The following MAGI1 variants were observed in gnomAD, a reference collection of about 807,000 sequenced individuals.
MAGI1 encodes the protein membrane-associated guanylate kinase, WW and PDZ domain-containing protein 1.
In MAGI1, 58 loss-of-function variants were observed where a neutral mutation model predicts 139.9. That is an observed-to-expected ratio of 0.41 (90% CI 0.34 to 0.52). The LOEUF is 0.52. Among genes scored for constraint, MAGI1 ranks in the 20% least tolerant of loss-of-function variants. The pLI, the probability that MAGI1 is intolerant of heterozygous loss-of-function variation, is 0.12. For synonymous variants in MAGI1, 812 were observed against 737.9 expected, an observed-to-expected ratio of 1.10 and a Z score of -1.63; for missense variants, 1,874 against 1,901.6, an observed-to-expected ratio of 0.99 and a Z score of 0.27.
chr3:65,952,371 T>C (rs1461323995), intron 1 of MAGI1, among the ~76,000 whole-genome samples: 1 of 152,192 alleles, frequency 6.6e-6, no homozygotes, highest in Non-Finnish European at 1.5e-5. Flanking sequence ...TTGCACTTGT[T>C]TTTTTCCGAT....
At chr3:66,026,987 C>T (rs1377525612) in intron 1 of MAGI1, among the ~76,000 whole-genome samples, 3 of 151,406 alleles carry the variant, frequency 2.0e-5, no homozygotes, top group Non-Finnish European at 2.9e-5. Flanking sequence ...AAGAGAGGAC[C>T]GGCTGGGCGC....
chr3:65,420,551 A>C (rs1290650206), intron 12 of MAGI1, among the ~76,000 whole-genome samples: 1 of 152,186 alleles, frequency 6.6e-6, no homozygotes, highest in Non-Finnish European at 1.5e-5. Flanking sequence ...TTTCATTTGC[A>C]GATGACGCTG....
intron 1 of MAGI1, chr3:65,873,667 G>C (rs1445367480): frequency 6.6e-6 from 1 of 152,160 alleles, no homozygotes; most frequent in African/African-American, 2.4e-5. Flanking sequence ...CAGTAACAGT[G>C]TGTCAAGACC....
intron 1 of MAGI1, among the ~76,000 whole-genome samples, chr3:65,952,558 T>A (rs773259876): frequency 1.2e-4 from 18 of 152,196 alleles, no homozygotes; most frequent in Non-Finnish European, 2.1e-4. Flanking sequence ...CTCGCGCCTG[T>A]AATCCCAACA....
At chr3:65,845,416 A>G (rs2058957806) in intron 1 of MAGI1, among the ~76,000 whole-genome samples, 1 of 152,126 alleles carries the variant, frequency 6.6e-6, no homozygotes, top group Non-Finnish European at 1.5e-5. Flanking sequence ...AAGTTTCACC[A>G]TCTTTATCCA....
intron 1 of MAGI1, among the ~76,000 whole-genome samples, chr3:65,972,452 A>C (rs1353333871): frequency 1.8e-5 from 1 of 54,442 alleles, no homozygotes; most frequent in Non-Finnish European, 4.3e-5. Context: ...CTTTATTAAA[A>C]TTATAATAAA....
chr3:65,599,857 G>A (rs954648252), intron 2 of MAGI1, among the ~76,000 whole-genome samples: 6 of 151,626 alleles, frequency 4.0e-5, no homozygotes, highest in African/African-American at 1.5e-4. Context: ...AAGATGTCTC[G>A]GAAGAAACAC....
At chr3:65,548,509 C>CTTTTTTTTTTTT (rs1306099660) in intron 2 of MAGI1, among the ~76,000 whole-genome samples, 9 of 117,404 alleles carry the variant, frequency 7.7e-5, no homozygotes, top group South Asian at 3.1e-4. Context: ...GCAAACAACA[C>CTTTTTTTTTTTT]TCTTTTTTTT....
At chr3:65,877,647 C>T (rs369944774) in intron 1 of MAGI1, among the ~76,000 whole-genome samples, 117 of 152,196 alleles carry the variant, frequency 7.7e-4, no homozygotes, top group African/African-American at 2.8e-3. Flanking sequence ...TAACTGATTC[C>T]CAGGTTCAAG....
At chr3:65,975,186 T>G (rs1358512991) in intron 1 of MAGI1, among the ~76,000 whole-genome samples, 1 of 152,160 alleles carries the variant, frequency 6.6e-6, no homozygotes, top group Non-Finnish European at 1.5e-5. Context: ...TGCCCAACTT[T>G]CAACTCATGG....
At chr3:65,469,199 T>C (rs1303391060) in intron 5 of MAGI1, among the ~76,000 whole-genome samples, 1 of 152,136 alleles carries the variant, frequency 6.6e-6, no homozygotes, top group African/African-American at 2.4e-5. Context: ...CATGTATAAT[T>C]TGCAAAATTG....
intron 1 of MAGI1, among the ~76,000 whole-genome samples, chr3:65,939,319 T>C (rs1039341235): frequency 6.6e-6 from 1 of 152,194 alleles, no homozygotes; most frequent in Non-Finnish European, 1.5e-5. Context: ...GTCCTCATTA[T>C]TAAAAAATAT....
chr3:65,594,417 G>C (rs756051202), intron 2 of MAGI1, among the ~76,000 whole-genome samples: 2 of 152,212 alleles, frequency 1.3e-5, no homozygotes, highest in South Asian at 2.1e-4. Flanking sequence ...CAACAAGACC[G>C]AGGAAGCAAA....
intron 1 of MAGI1, among the ~76,000 whole-genome samples, chr3:65,971,014 C>T (rs922309224): frequency 1.3e-5 from 2 of 152,142 alleles, no homozygotes; most frequent in African/African-American, 4.8e-5. Context: ...ACCATCATGG[C>T]CAACATGGTG....
chr3:65,869,045 A>T (rs537264533), intron 1 of MAGI1, among the ~76,000 whole-genome samples: 1 of 152,064 alleles, frequency 6.6e-6, no homozygotes, highest in African/African-American at 2.4e-5. Context: ...AGGCGGGCGG[A>T]TCACGAGGTC....
chr3:65,850,185 A>G (rs1021322053), intron 1 of MAGI1, among the ~76,000 whole-genome samples: 4 of 152,216 alleles, frequency 2.6e-5, no homozygotes, highest in Admixed American at 2.6e-4. Flanking sequence ...TACAGAACAT[A>G]CTAAGAGTTT....
intron 1 of MAGI1, among the ~76,000 whole-genome samples, chr3:65,669,058 T>C (rs943963894): frequency 1.3e-5 from 2 of 152,028 alleles, no homozygotes; most frequent in African/African-American, 4.8e-5. Context: ...TACCTCAGCC[T>C]CCTGAGTAGC....
At chr3:65,682,418 G>T (rs74411217) in intron 1 of MAGI1, among the ~76,000 whole-genome samples, 1 of 152,140 alleles carries the variant, frequency 6.6e-6, no homozygotes, top group African/African-American at 2.4e-5. Flanking sequence ...TAGACCTAAA[G>T]TATGCCTGAT....
At chr3:65,955,081 C>T (rs1364136434) in intron 1 of MAGI1, among the ~76,000 whole-genome samples, 4 of 152,030 alleles carry the variant, frequency 2.6e-5, no homozygotes, top group Non-Finnish European at 5.9e-5. Flanking sequence ...TCTTTCTTCC[C>T]TTACTTAACT....
Sources: allele counts gnomAD v4.1 joint callset (sites outside exome capture counted in the v4.1 genomes callset), GRCh38; gene constraint gnomAD v4.1.1; transcripts MANE v1.5; gene names NCBI Gene and HGNC (gene_info 2026-07-23, HGNC 2026-07-21).